Variants in MAP3K4 observed in about 807,000 individuals in gnomAD.
MAP3K4 encodes mitogen-activated protein kinase kinase kinase 4, also known as MAP three kinase 1.
In MAP3K4, 67 loss-of-function variants were observed where a neutral mutation model predicts 185.6. The ratio of observed to expected loss-of-function variants is 0.36; its 90% CI spans 0.30 to 0.44. The LOEUF (loss-of-function observed/expected upper bound fraction) is 0.44, where lower values mean the gene tolerates loss of function less well. Among genes scored for constraint, MAP3K4 ranks in the 20% least tolerant of loss-of-function variants. The pLI, the probability that MAP3K4 is intolerant of heterozygous loss-of-function variation, is 1.00. For synonymous variants in MAP3K4, 702 were observed against 710.4 expected, an observed-to-expected ratio of 0.99 and a Z score of 0.19; for missense variants, 1,551 against 1,995.1, an observed-to-expected ratio of 0.78 and a Z score of 4.24.
rs1366540696 is a variant in MAP3K4 at position 161,077,152 on chromosome 6, T to TTGTTTTAAA, written c.2097+3540_2097+3541insTGTTTTAAA. On this transcript the variant is annotated intron_variant, in intron 5 of 26. Coordinates refer to ENST00000392142, the MANE Select transcript of MAP3K4 (RefSeq NM_005922.4). This position sits in a 1 kb window ranked among gnomAD's most constrained non-coding sequence, Gnocchi z 4.3. Reference sequence around the variant, plus strand: ...ATAAGAGATTGTTTTAAAAAGCGTATAGACTAGAAGGAAATGTGCTCAGTT... The same window carrying TTGTTTTAAA: ...ATAAGAGATTGTTTTAAAAAGCGTATTGTTTTAAAAGACTAGAAGGAAATGTGCTCAGTT... 7.4e-4 allele frequency among the ~76,000 whole-genome samples: 113 copies of TTGTTTTAAA among 152,240 alleles called. No individual in the cohort carries two copies. The highest frequency in any genetic ancestry group is 2.6e-3 in the African/African-American group (109 of 41,532).
intron 3 of MAP3K4, among the ~76,000 whole-genome samples, chr6:161,066,963 C>T (rs1784739602): frequency 6.6e-6 from 1 of 152,210 alleles, no homozygotes; most frequent in Non-Finnish European, 1.5e-5. Flanking sequence ...TTTATATAAA[C>T]ATTGTTTTCT....
chr6:161,005,934 C>A (rs1358576138), intron 1 of MAP3K4, among the ~76,000 whole-genome samples: 1 of 152,058 alleles, frequency 6.6e-6, no homozygotes, highest in Non-Finnish European at 1.5e-5. Context: ...ATTACAGGTG[C>A]CCGCCACCGT....
Position 161,082,688 on chromosome 6 carries a change from C to T in MAP3K4, c.2255+1650C>T, listed in dbSNP as rs998956918. Among the ~76,000 whole-genome samples the T allele has an allele frequency of 1.3e-5, 2 of 152,126 alleles. No homozygotes were observed. The highest frequency in any genetic ancestry group is 2.4e-5 in the African/African-American group (1 of 41,430). The stretch of plus-strand genomic sequence containing the variant: ...CCTTTGTTTCCTGCACACACTACCT[C>T]GACTCTTTTTGGGTGCCCTTTGAGG... On this transcript the variant is annotated intron_variant, in intron 6 of 26. Coordinates refer to ENST00000392142, the MANE Select transcript of MAP3K4 (RefSeq NM_005922.4). The surrounding 1 kb of genome is among the most constrained non-coding windows in gnomAD (Gnocchi z 4.2).
rs377098533 is a variant in MAP3K4, at chr6:161,037,099, T to G, written c.343+2650T>G. ...GCTGGTGAACTATTTCTTGCGGACA[T>G]TCTTGTTTATGAATACCAAGACAAG... On this transcript the variant is annotated intron_variant, in intron 2 of 26. Coordinates refer to ENST00000392142, the MANE Select transcript of MAP3K4 (RefSeq NM_005922.4). The surrounding 1 kb of genome is among the most constrained non-coding windows in gnomAD (Gnocchi z 4.2). Among the ~76,000 whole-genome samples, 1 of 152,292 alleles carries G rather than the reference T, an allele frequency of 6.6e-6. No individual in the cohort carries two copies. The highest frequency in any genetic ancestry group is 1.9e-4 in the East Asian group (1 of 5,180).
chr6:161,049,794 G>A lies in MAP3K4; in HGVS notation c.1522G>A (p.Ala508Thr), dbSNP rs1372406435. The A allele has an allele frequency of 1.2e-6, 2 of 1,614,002 alleles. No homozygotes were observed. The highest frequency in any genetic ancestry group is 1.7e-6 in the Non-Finnish European group (2 of 1,180,008). Residue 508 changes from alanine (A) to threonine (T), a missense_variant, in exon 3 of 27, where the codon GCA becomes ACA. Around this residue, in one of 16 missense-constraint regions of MAP3K4, gnomAD observed 126 missense variants for 112.8 expected, o/e 1.12. Coordinates refer to ENST00000392142, the MANE Select transcript of MAP3K4 (RefSeq NM_005922.4). This position sits in a 1 kb window ranked among gnomAD's most constrained non-coding sequence, Gnocchi z 8.4. ...TGAGGATGATTCTCTTGGCTGGGGA[G>A]CACCAGACTGGAGCACAGAAGCAGG... is the stretch of plus-strand genomic sequence containing the variant. Reference protein sequence around the residue: ...ESEDDSLGWGAPDWSTEAGFS... With the variant: ...ESEDDSLGWGTPDWSTEAGFS...
rs1463688635 is a variant in MAP3K4, at chr6:161,049,587, G to C, written c.1315G>C (p.Glu439Gln). 3 of 1,614,058 alleles carry C rather than the reference G, an allele frequency of 1.9e-6. No individual in the cohort carries two copies. The highest frequency in any genetic ancestry group is 1.3e-5 in the African/African-American group (1 of 74,926). The change falls in exon 3 of 27, where the codon GAG (glutamate) becomes CAG (glutamine). Residue 439 changes from glutamate to glutamine, a missense_variant. Transcript: ENST00000392142. The surrounding 1 kb of genome is among the most constrained non-coding windows in gnomAD (Gnocchi z 8.4). ...IPSPRPSKGN[E>Q]PEYEGDDTEG... is the part of the protein sequence containing the mutation. ...TTCCCCTCGACCATCCAAAGGTAATGAGCCGGAGTATGAGGGTGATGACAC... is the reference window on the plus strand; with the variant it reads ...TTCCCCTCGACCATCCAAAGGTAATCAGCCGGAGTATGAGGGTGATGACAC...
intron 13 of MAP3K4, among the ~76,000 whole-genome samples, 187 bp from the exon 14 acceptor site, chr6:161,092,791 A>C (rs1777385293): frequency 6.6e-6 from 1 of 152,238 alleles, no homozygotes; most frequent in Non-Finnish European, 1.5e-5. Flanking sequence ...TCAAAACAAA[A>C]TTAAATTTTA....
chr6:161,007,702 G>A lies in MAP3K4; in HGVS notation c.152+15619G>A, dbSNP rs1318210100. ...AAAATTGCTTTGGTTCATATTTGGT[G>A]CTTCTGCTCTTTAATAGGCTTTGTT... is the stretch of plus-strand genomic sequence containing the variant. On this transcript the variant is annotated intron_variant, in intron 1 of 26. Transcript: ENST00000392142. The surrounding 1 kb of genome is among the most constrained non-coding windows in gnomAD (Gnocchi z 4.5). Among the ~76,000 whole-genome samples the A allele has an allele frequency of 6.6e-6, 1 of 152,150 alleles. No homozygotes were observed. The highest frequency in any genetic ancestry group is 2.4e-5 in the African/African-American group (1 of 41,432).
Position 161,112,160 on chromosome 6 carries a change from G to GT in MAP3K4, c.4519+204dup, listed in dbSNP as rs1488408034. On this transcript the variant is annotated intron_variant, in intron 24 of 26. Coordinates refer to ENST00000392142, the MANE Select transcript of MAP3K4 (RefSeq NM_005922.4). This position sits in a 1 kb window ranked among gnomAD's most constrained non-coding sequence, Gnocchi z 5.1. Reference sequence around the variant, plus strand: ...TGGTGAATTAAATGACTCCTTTTAGGTTACAGGAGAGAGGAAAGCCTCTTT... The same window carrying GT: ...TGGTGAATTAAATGACTCCTTTTAGGTTTACAGGAGAGAGGAAAGCCTCTTT... 6.6e-6 allele frequency among the ~76,000 whole-genome samples: 1 copy of GT among 151,976 alleles called. No individual in the cohort carries two copies. The highest frequency in any genetic ancestry group is 1.5e-5 in the Non-Finnish European group (1 of 68,020).
chr6:161,081,129 T>G, intron 6 of MAP3K4, 91 bp downstream of exon 6: 1 of 1,387,240 alleles, frequency 7.2e-7, no homozygotes, highest in Non-Finnish European at 9.8e-7. Context: ...GTTTGTATGT[T>G]TAGTTACATG....
At chr6:161,036,772 G>A (rs151281333) in intron 2 of MAP3K4, among the ~76,000 whole-genome samples, 25 of 152,204 alleles carry the variant, frequency 1.6e-4, no homozygotes, top group Non-Finnish European at 3.2e-4. Context: ...TACAAATTTT[G>A]AGTATCCCTA....
rs531841970 is a variant in MAP3K4 at position 161,082,540 on chromosome 6, G to T, written c.2255+1502G>T. Among the ~76,000 whole-genome samples the T allele has an allele frequency of 6.6e-6, 1 of 151,906 alleles. No individual in the cohort carries two copies. Among genetic ancestry groups the T allele is most frequent in the East Asian group, 2.0e-4 (1 of 5,102 alleles). ...GGGCTTTTTCATTCCCCCTTCTTGTGAACAGTCCACTTTTATTCTAGTTCT... is the reference window on the plus strand; with the variant it reads ...GGGCTTTTTCATTCCCCCTTCTTGTTAACAGTCCACTTTTATTCTAGTTCT... On this transcript the variant is annotated intron_variant, in intron 6 of 26. Transcript: ENST00000392142. This position sits in a 1 kb window ranked among gnomAD's most constrained non-coding sequence, Gnocchi z 4.2.
At chr6:161,013,853 A>G (rs941910693) in intron 1 of MAP3K4, among the ~76,000 whole-genome samples, 3 of 152,308 alleles carry the variant, frequency 2.0e-5, no homozygotes, top group African/African-American at 7.2e-5. Context: ...TGCCGTGGAA[A>G]GGGGCAGTAA....
intron 15 of MAP3K4, among the ~76,000 whole-genome samples, chr6:161,095,629 C>T (rs1218730419): frequency 6.6e-6 from 1 of 152,188 alleles, no homozygotes; most frequent in Non-Finnish European, 1.5e-5. Flanking sequence ...AGAAATGTCT[C>T]CAAGTCAACA....
Position 161,093,491 on chromosome 6 carries a change from C to T in MAP3K4, c.3349-282C>T, listed in dbSNP as rs1292502991. 6.6e-6 allele frequency among the ~76,000 whole-genome samples: 1 copy of T among 152,102 alleles called. No homozygotes were observed. The highest frequency in any genetic ancestry group is 2.4e-5 in the African/African-American group (1 of 41,414). On this transcript the variant is annotated intron_variant, in intron 14 of 26. Transcript: ENST00000392142. This position sits in a 1 kb window ranked among gnomAD's most constrained non-coding sequence, Gnocchi z 5.2. ...AGTGTGAATTCATTTATTTTATTCT[C>T]CCAGTAGTAGAGACGATTACATGAA...
At chr6:161,019,424 A>G (rs567328518) in intron 1 of MAP3K4, among the ~76,000 whole-genome samples, 13 of 151,984 alleles carry the variant, frequency 8.6e-5, no homozygotes, top group East Asian at 3.9e-4. Context: ...CTTTCTTTCT[A>G]TTTTTGAGAC....
Position 161,074,607 on chromosome 6 carries a change from T to C in MAP3K4, c.2097+995T>C, listed in dbSNP as rs1214338705. Among the ~76,000 whole-genome samples, 4 of 152,354 alleles carry C rather than the reference T, an allele frequency of 2.6e-5. No individual in the cohort carries two copies. The highest frequency in any genetic ancestry group is 2.6e-4 in the Admixed American group (4 of 15,302). ...GCTTCATGAGCCAAGGGCTATAACT[T>C]GAAATTCTCTTGTTTTCCATAGTAT... On this transcript the variant is annotated intron_variant, in intron 5 of 26. Transcript: ENST00000392142. This position sits in a 1 kb window ranked among gnomAD's most constrained non-coding sequence, Gnocchi z 5.0.
chr6:161,080,268 G>A lies in MAP3K4; in HGVS notation c.2098-613G>A, dbSNP rs1785384775. ...AAAAACTGCTTGATAGTTGAACCCTGCTGACCACGGGATAAATCTAAAGGA... is the reference window on the plus strand; with the variant it reads ...AAAAACTGCTTGATAGTTGAACCCTACTGACCACGGGATAAATCTAAAGGA... On this transcript the variant is annotated intron_variant, in intron 5 of 26. Transcript: ENST00000392142. The surrounding 1 kb of genome is among the most constrained non-coding windows in gnomAD (Gnocchi z 4.8). Among the ~76,000 whole-genome samples the A allele has an allele frequency of 6.6e-6, 1 of 152,192 alleles. No individual in the cohort carries two copies. The highest frequency in any genetic ancestry group is 2.4e-5 in the African/African-American group (1 of 41,452).
At position 161,108,032 on chromosome 6, in the gene MAP3K4, T is replaced by C. The variant is rs1778174386; in HGVS notation, c.4119+63T>C. ...GGCTCTGGGTGATAGAAATTCCGTA[T>C]AGACGCTGGTCGTGATTCAGTTCTC... On this transcript the variant is annotated intron_variant, in intron 21 of 26. Coordinates refer to ENST00000392142, the MANE Select transcript of MAP3K4 (RefSeq NM_005922.4). This position sits in a 1 kb window ranked among gnomAD's most constrained non-coding sequence, Gnocchi z 5.7. 9 of 1,445,052 alleles carry C rather than the reference T, an allele frequency of 6.2e-6. No individual in the cohort carries two copies. The highest frequency in any genetic ancestry group is 8.7e-6 in the Non-Finnish European group (9 of 1,038,258). The allele number at this position is 1,445,052 out of a possible 1,614,324, so 89.5% of individuals were successfully genotyped here. A position where few individuals can be genotyped will look rare whatever the true frequency, so the allele number is the denominator to read the frequency against.
Sources: allele counts gnomAD v4.1 joint callset (sites outside exome capture counted in the v4.1 genomes callset), GRCh38; gene constraint gnomAD v4.1.1; regional missense constraint gnomAD v4.1.1; non-coding constraint Gnocchi (gnomAD v3.1); transcripts MANE v1.5; gene names NCBI Gene and HGNC (gene_info 2026-07-23, HGNC 2026-07-21).